The following PUM1 variants were observed in gnomAD, a reference collection of about 807,000 sequenced individuals.
The protein encoded by PUM1 is pumilio homolog 1.
PUM1 carries 13 observed loss-of-function variants against 131.8 expected under a neutral mutation model. That is an observed-to-expected ratio of 0.10 (90% confidence interval 0.06 to 0.16). PUM1 has a LOEUF of 0.16. Ranked by LOEUF, PUM1 falls within the 10% of genes least tolerant of loss-of-function variation. PUM1 has a pLI of 1.00. For missense variants in PUM1, 961 were observed against 1,512.4 expected, an observed-to-expected ratio of 0.64 and a Z score of 6.05; for synonymous variants, 509 against 556.5, an observed-to-expected ratio of 0.91 and a Z score of 1.20.
At chr1:30,953,533 T>C (rs545006083) in intron 15 of PUM1, among the ~76,000 whole-genome samples, 181 bp downstream of exon 15, 2 of 152,224 alleles carry the variant, frequency 1.3e-5, no homozygotes, top group African/African-American at 4.8e-5. Flanking sequence ...CCGAAGTGTA[T>C]GTATGTCTTT....
chr1:31,009,957 G>C (rs1276600017), intron 3 of PUM1, among the ~76,000 whole-genome samples: 1 of 152,080 alleles, frequency 6.6e-6, no homozygotes, highest in Non-Finnish European at 1.5e-5. Context: ...TTTCATGATA[G>C]TATACCAGGC....
At chr1:31,060,821 G>A (rs1489902268) in intron 1 of PUM1, among the ~76,000 whole-genome samples, 1 of 151,766 alleles carries the variant, frequency 6.6e-6, no homozygotes, top group Non-Finnish European at 1.5e-5. Flanking sequence ...GGGAGGCAGA[G>A]GTTGCAGTGA....
chr1:30,974,516 C>T (rs1288747407), intron 10 of PUM1, 135 bp downstream of exon 10: 3 of 854,784 alleles, frequency 3.5e-6, no homozygotes, highest in South Asian at 2.0e-5. Context: ...TGAGCCTGAA[C>T]TCAGACACAC....
intron 9 of PUM1, among the ~76,000 whole-genome samples, chr1:30,976,831 T>C (rs1198143461): frequency 1.3e-5 from 2 of 150,714 alleles, no homozygotes; most frequent in Non-Finnish European, 3.0e-5. Flanking sequence ...GTATTCAAGT[T>C]TAAAAAAAAA....
intron 3 of PUM1, among the ~76,000 whole-genome samples, chr1:31,022,358 T>C (rs1005685130): frequency 3.9e-5 from 6 of 152,238 alleles, no homozygotes; most frequent in Admixed American, 3.9e-4. Flanking sequence ...AGAAATTTAA[T>C]GAAGACAAAG....
chr1:30,992,759 C>T, intron 6 of PUM1, 99 bp from the exon 7 acceptor site: 1 of 992,912 alleles, frequency 1.0e-6, no homozygotes, highest in Admixed American at 2.4e-5. Flanking sequence ...AGCTCATTAT[C>T]AACAGTATTT....
intron 2 of PUM1, among the ~76,000 whole-genome samples, chr1:31,039,022 T>G (rs1212083451): frequency 7.3e-6 from 1 of 136,154 alleles, no homozygotes; most frequent in African/African-American, 2.8e-5. Flanking sequence ...TTTGAGACAA[T>G]GCCTCATTCT....
At chr1:31,051,089 C>T (rs1443028819) in intron 2 of PUM1, 1 of 151,868 alleles carries the variant, frequency 6.6e-6, no homozygotes, top group African/African-American at 2.4e-5. Context: ...TCCAAGGCAT[C>T]CACCCCAATG....
chr1:31,049,515 C>CA (rs112696868), intron 2 of PUM1, among the ~76,000 whole-genome samples: 11,992 of 121,764 alleles, frequency 0.098, 676 homozygotes, highest in East Asian at 0.32. Context: ...GATTCCGTCT[C>CA]AAAAAAAAAA....
chr1:31,051,845 A>G (rs1557606215), intron 2 of PUM1, among the ~76,000 whole-genome samples: 1 of 152,052 alleles, frequency 6.6e-6, no homozygotes, highest in Non-Finnish European at 1.5e-5. Flanking sequence ...TATTTCATCA[A>G]CCAGTTTATC....
intron 3 of PUM1, among the ~76,000 whole-genome samples, chr1:31,020,592 A>G (rs1029883461): frequency 2.0e-5 from 3 of 152,192 alleles, no homozygotes; most frequent in Non-Finnish European, 2.9e-5. Flanking sequence ...CCCCCAAAGC[A>G]GGAAGCAAAC....
chr1:31,016,866 G>A (rs1334872541), intron 3 of PUM1, among the ~76,000 whole-genome samples: 1 of 152,126 alleles, frequency 6.6e-6, no homozygotes, highest in East Asian at 1.9e-4. Flanking sequence ...TTATAATTAT[G>A]CAGTATATAA....
At chr1:30,978,861 G>A (rs1641244901) in intron 9 of PUM1, among the ~76,000 whole-genome samples, 1 of 152,134 alleles carries the variant, frequency 6.6e-6, no homozygotes. Flanking sequence ...CACTTTGGGA[G>A]GCCAAGGGAG....
intron 14 of PUM1, among the ~76,000 whole-genome samples, chr1:30,954,801 G>C (rs1405090745): frequency 6.6e-6 from 1 of 152,134 alleles, no homozygotes; most frequent in Non-Finnish European, 1.5e-5. Context: ...GGTGGCTGAT[G>C]TCTGTAAACC....
At chr1:30,950,062 G>C in intron 17 of PUM1, 65 bp downstream of exon 17, 1 of 1,503,612 alleles carries the variant, frequency 6.7e-7, no homozygotes, top group Non-Finnish European at 9.0e-7. Context: ...CAGAATTACA[G>C]GGTTCACTAC....
At chr1:31,031,993 A>G (rs1184864425) in intron 2 of PUM1, among the ~76,000 whole-genome samples, 1 of 150,680 alleles carries the variant, frequency 6.6e-6, no homozygotes, top group Non-Finnish European at 1.5e-5. Context: ...CATTTATATA[A>G]GAACCACACT....
At chr1:31,011,455 T>C (rs1490254078) in intron 3 of PUM1, among the ~76,000 whole-genome samples, 1 of 152,200 alleles carries the variant, frequency 6.6e-6, no homozygotes, top group Non-Finnish European at 1.5e-5. Context: ...TTGAGCTTAC[T>C]GAGAATTAGT....
At chr1:31,045,236 C>A (rs946716422) in intron 2 of PUM1, among the ~76,000 whole-genome samples, 5 of 151,780 alleles carry the variant, frequency 3.3e-5, no homozygotes, top group African/African-American at 7.3e-5. Flanking sequence ...AGGGTTCAGG[C>A]GATTCTCCTG....
At chr1:30,977,151 A>C (rs1253904522) in intron 9 of PUM1, among the ~76,000 whole-genome samples, 1 of 152,148 alleles carries the variant, frequency 6.6e-6, no homozygotes, top group African/African-American at 2.4e-5. Flanking sequence ...GCCTGGGGGT[A>C]ATTTTACTTT....
Sources: gnomAD v4.1 joint callset for allele counts (sites outside exome capture counted in the v4.1 genomes callset) on GRCh38, gnomAD v4.1.1 for gene constraint, MANE v1.5 for transcripts, NCBI Gene and HGNC (gene_info 2026-07-23, HGNC 2026-07-21) for gene names.